Variants in GRAMD1B observed in about 807,000 individuals in gnomAD.
GRAMD1B encodes the protein GRAM domain containing 1B, also known as protein Aster-B.
In GRAMD1B, 37 loss-of-function variants were observed where a neutral mutation model predicts 99.7. That is an observed-to-expected ratio of 0.37 (90% CI 0.29 to 0.49). The LOEUF is 0.49. GRAMD1B is among the 20% of genes least tolerant of loss of function. The pLI, the probability that GRAMD1B is intolerant of heterozygous loss-of-function variation, is 0.98. For synonymous variants in GRAMD1B, 427 were observed against 387.6 expected (o/e 1.10, Z -1.19); for missense variants, 888 against 1,009.2 (o/e 0.88, Z 1.63).
chr11:123,452,856 T>C lies in GRAMD1B; in HGVS notation c.374+21690T>C, dbSNP rs188076670. Among the ~76,000 whole-genome samples the C allele has an allele frequency of 9.1e-4, 139 of 152,318 alleles. 1 individual carries two copies. In the East Asian group the frequency reaches 0.026, roughly 29 times the overall value. The stretch of plus-strand genomic sequence containing the variant: ...GCTTCTCTTCTCCCTTTTTGCCAGA[T>C]GTAGAACCACCAGGCTTCCCTTTCA... On this transcript the variant is annotated intron_variant, in intron 1 of 19. Transcript: ENST00000635736.
chr11:123,585,430 G>A lies in GRAMD1B; in HGVS notation c.684+1098G>A, dbSNP rs569591754. Reference sequence around the variant, plus strand: ...CATCCTGCTGCCCAGTGACCAGCCCGTCCTGGGTGCTGTTGATTTGCAAGC... The same window carrying A: ...CATCCTGCTGCCCAGTGACCAGCCCATCCTGGGTGCTGTTGATTTGCAAGC... On this transcript the variant is annotated intron_variant, in intron 4 of 19. Coordinates refer to ENST00000635736, the MANE Select transcript of GRAMD1B (RefSeq NM_001387025.1). Among the ~76,000 whole-genome samples, 141 of 152,342 alleles carry A rather than the reference G, an allele frequency of 9.3e-4. No individual in the cohort carries two copies. In the South Asian group the frequency reaches 0.012, roughly 13 times the overall value.
At chr11:123,563,980 G>A (rs528751257) in intron 2 of GRAMD1B, among the ~76,000 whole-genome samples, 3 of 152,284 alleles carry the variant, frequency 2.0e-5, no homozygotes, top group Non-Finnish European at 2.9e-5. Flanking sequence ...GGTATGCTTC[G>A]ATTTGAGTTA....
intron 12 of GRAMD1B, 128 bp from the exon 13 acceptor site, chr11:123,609,667 C>T (rs901911126): frequency 9.7e-6 from 6 of 617,436 alleles, no homozygotes; most frequent in Middle Eastern, 3.4e-4. Context: ...CCTCGGGCTC[C>T]CATTGGCTTC....
At chr11:123,468,066 G>A (rs770125542) in intron 1 of GRAMD1B, among the ~76,000 whole-genome samples, 13 of 152,078 alleles carry the variant, frequency 8.5e-5, no homozygotes, top group East Asian at 1.9e-4. Context: ...GTTTCACCAC[G>A]TTGGCCAGGA....
intron 8 of GRAMD1B, among the ~76,000 whole-genome samples, chr11:123,601,294 G>A (rs573714083): frequency 6.6e-6 from 1 of 152,134 alleles, no homozygotes; most frequent in Admixed American, 6.5e-5. Context: ...ATGAAACTAT[G>A]AAGAGACACA....
In GRAMD1B at chr11:123,594,667, C is replaced by G. The variant is rs555184665; in HGVS notation, c.770-68C>G. The G allele has an allele frequency of 2.1e-4, 167 of 809,182 alleles. 1 individual carries two copies. Among genetic ancestry groups the G allele is most frequent in the African/African-American group, 1.6e-3 (97 of 59,908 alleles). 50.1% of individuals were successfully genotyped at this position (809,182 alleles called of 1,614,324 possible). A position where few individuals can be genotyped will look rare whatever the true frequency, so the allele number is the denominator to read the frequency against. The stretch of plus-strand genomic sequence containing the variant: ...AGTGCTGGTGGGAGGGATGACATGC[C>G]TACTCTGCAGTGGTTTGCCGAAAAT... On this transcript the variant is annotated intron_variant, in intron 5 of 19. Transcript: ENST00000635736.
Position 123,605,129 on chromosome 11 carries a change from G to T in GRAMD1B, c.1167-193G>T, listed in dbSNP as rs923597064. ...TTACATGGGGGGCAGGGAGGGGTGG[G>T]GTGGGATATGAAGGAGATTTCAGAA... On this transcript the variant is annotated intron_variant, in intron 9 of 19. Coordinates refer to ENST00000635736, the MANE Select transcript of GRAMD1B (RefSeq NM_001387025.1). 9.9e-5 allele frequency among the ~76,000 whole-genome samples: 15 copies of T among 152,086 alleles called. 1 individual carries two copies. The highest frequency in any genetic ancestry group is 3.6e-4 in the African/African-American group (15 of 41,454).
chr11:123,417,771 C>T (rs2714056), intron 1 of GRAMD1B, among the ~76,000 whole-genome samples: 58,891 of 151,786 alleles, frequency 0.39, 13,576 homozygotes, highest in African/African-American at 0.66. Flanking sequence ...ACCCTGTCTG[C>T]ACGAAAAATA....
At chr11:123,517,448 G>T (rs1478003176) in intron 2 of GRAMD1B, among the ~76,000 whole-genome samples, 2 of 152,184 alleles carry the variant, frequency 1.3e-5, no homozygotes, top group African/African-American at 4.8e-5. Flanking sequence ...AAAATGTATT[G>T]AGCACTTACT....
chr11:123,406,454 A>G (rs1395765094), intron 1 of GRAMD1B, among the ~76,000 whole-genome samples: 2 of 152,062 alleles, frequency 1.3e-5, no homozygotes, highest in African/African-American at 4.8e-5. Context: ...GGGTTTCACC[A>G]TATTGTCCAG....
chr11:123,412,626 A>C (rs2846063), intron 1 of GRAMD1B, among the ~76,000 whole-genome samples: 20,911 of 152,116 alleles, frequency 0.14, 1,750 homozygotes, highest in Non-Finnish European at 0.18. Flanking sequence ...TTCTAACTAC[A>C]TTTTCCCACA....
intron 1 of GRAMD1B, among the ~76,000 whole-genome samples, chr11:123,401,167 C>A (rs1163635891): frequency 6.6e-6 from 1 of 152,202 alleles, no homozygotes. Context: ...CACTGTCATG[C>A]AGATATGATG....
chr11:123,378,753 A>T (rs1401931563), intron 1 of GRAMD1B, among the ~76,000 whole-genome samples: 1 of 152,236 alleles, frequency 6.6e-6, no homozygotes, highest in Admixed American at 6.5e-5. Flanking sequence ...AATTCATGTG[A>T]ATCTGGTTCA....
intron 1 of GRAMD1B, chr11:123,459,867 T>G (rs890474789): frequency 2.0e-5 from 3 of 152,246 alleles, no homozygotes; most frequent in Non-Finnish European, 4.4e-5. Context: ...GCCTCTCATC[T>G]GTTTTCTGTG....
At chr11:123,449,714 C>CTTT (rs767104181) in intron 1 of GRAMD1B, among the ~76,000 whole-genome samples, 18 of 99,974 alleles carry the variant, frequency 1.8e-4, no homozygotes, top group South Asian at 3.1e-4. Flanking sequence ...CCATGCCTGG[C>CTTT]TTTTTTTTTT....
At chr11:123,554,895 A>C (rs1946013447) in intron 2 of GRAMD1B, among the ~76,000 whole-genome samples, 1 of 152,184 alleles carries the variant, frequency 6.6e-6, no homozygotes. Context: ...CAAGGCTAAA[A>C]TTCAGAACTT....
In GRAMD1B at chr11:123,413,658, G is replaced by A. The variant is rs148210171; in HGVS notation, c.-176+54859G>A. Among the ~76,000 whole-genome samples, 116 of 152,174 alleles carry A rather than the reference G, an allele frequency of 7.6e-4. 1 individual carries two copies. The highest frequency in any genetic ancestry group is 2.7e-3 in the African/African-American group (114 of 41,522). On this transcript the variant is annotated intron_variant, in intron 1 of 20. Coordinates refer to the GRAMD1B transcript ENST00000638157. ...CAAATCCTTCAACCCATAGGTCTTCGCCTGAGGAGTAGGCAGATCCTGCAC... is the reference window on the plus strand; with the variant it reads ...CAAATCCTTCAACCCATAGGTCTTCACCTGAGGAGTAGGCAGATCCTGCAC...
chr11:123,584,643 C>A (rs542598492), intron 4 of GRAMD1B, among the ~76,000 whole-genome samples: 95 of 152,104 alleles, frequency 6.2e-4, no homozygotes, highest in Non-Finnish European at 1.2e-3. Flanking sequence ...CATTCCAGAC[C>A]CTGACAGAAT....
rs917702955 is a variant in GRAMD1B at position 123,626,337 on chromosome 11, T to C, written c.*3742T>C. 2 of 152,246 alleles carry C rather than the reference T, an allele frequency of 1.3e-5. No individual in the cohort carries two copies. The highest frequency in any genetic ancestry group is 6.5e-5 in the Admixed American group (1 of 15,280). 9.4% of individuals were successfully genotyped at this position (152,246 alleles called of 1,614,324 possible). A position where few individuals can be genotyped will look rare whatever the true frequency, so the allele number is the denominator to read the frequency against. On this transcript the variant is annotated 3_prime_UTR_variant, in exon 20 of 20. Transcript: ENST00000635736. ...ACAAAGAGAGCTCAAGAGGAATGCT[T>C]TGTGAGAAGTGGATTCTCTCCGTGT...
Sources: gnomAD v4.1 joint callset for allele counts (sites outside exome capture counted in the v4.1 genomes callset) on GRCh38, gnomAD v4.1.1 for gene constraint, MANE v1.5 for transcripts, NCBI Gene and HGNC (gene_info 2026-07-23, HGNC 2026-07-21) for gene names.